Variants in GATAD2A observed in about 807,000 individuals in gnomAD.
GATAD2A encodes GATA zinc finger domain containing 2A.
GATAD2A carries 12 observed loss-of-function variants against 68.5 expected under a neutral mutation model. The observed-to-expected ratio is 0.18, with a 90% CI of 0.11 to 0.28. The LOEUF is 0.28. Ranked by LOEUF, GATAD2A falls within the 10% of genes least tolerant of loss-of-function variation. GATAD2A has a pLI of 1.00. For synonymous variants in GATAD2A, 410 were observed against 375.3 expected (o/e 1.09, Z -1.07); for missense variants, 755 against 868.5 (o/e 0.87, Z 1.64).
chr19:19,484,825 G>T (rs376911582), intron 2 of GATAD2A, among the ~76,000 whole-genome samples: 1 of 152,118 alleles, frequency 6.6e-6, no homozygotes, highest in Non-Finnish European at 1.5e-5. Flanking sequence ...GAGCCACCGC[G>T]CCCAGCCTGT....
chr19:19,405,355 C>T (rs1041498726), upstream of GATAD2A, among the ~76,000 whole-genome samples: 1 of 152,238 alleles, frequency 6.6e-6, no homozygotes, highest in African/African-American at 2.4e-5. Context: ...GGTCGCCCAG[C>T]TCAGCTGGCG....
At chr19:19,429,334 G>A (rs933740880) in intron 1 of GATAD2A, 3 of 605,958 alleles carry the variant, frequency 5.0e-6, no homozygotes, top group African/African-American at 2.0e-5. Flanking sequence ...CTGGCCATGG[G>A]AACGGTGCGT....
intron 1 of GATAD2A, among the ~76,000 whole-genome samples, chr19:19,444,182 T>A (rs923003636): frequency 2.0e-5 from 3 of 152,138 alleles, no homozygotes; most frequent in Non-Finnish European, 4.4e-5. Flanking sequence ...ACCACTCCAG[T>A]ACCCTGACTC....
chr19:19,419,970 C>T (rs1471282618), intron 1 of GATAD2A, among the ~76,000 whole-genome samples: 1 of 140,060 alleles, frequency 7.1e-6, no homozygotes, highest in Non-Finnish European at 1.5e-5. Context: ...TCCCATCTGA[C>T]TTATTAAGTG....
chr19:19,456,136 A>C (rs1318839377), intron 1 of GATAD2A, among the ~76,000 whole-genome samples: 1 of 147,232 alleles, frequency 6.8e-6, no homozygotes, highest in Admixed American at 6.8e-5. Flanking sequence ...CCTGAGCGAC[A>C]CAGCGAGACT....
At chr19:19,418,444 G>C (rs540079046) in intron 1 of GATAD2A, among the ~76,000 whole-genome samples, 1 of 152,346 alleles carries the variant, frequency 6.6e-6, no homozygotes, top group East Asian at 1.9e-4. Flanking sequence ...CTGTTCCTAT[G>C]AATGAAATAG....
At chr19:19,477,161 C>T (rs2058727096) in intron 2 of GATAD2A, among the ~76,000 whole-genome samples, 2 of 152,152 alleles carry the variant, frequency 1.3e-5, no homozygotes, top group South Asian at 4.1e-4. Context: ...ACTGAGTTAC[C>T]TGTGGCTGAG....
chr19:19,403,572 A>AG (rs1568698372), upstream of GATAD2A, among the ~76,000 whole-genome samples: 1 of 151,502 alleles, frequency 6.6e-6, no homozygotes, highest in Non-Finnish European at 1.5e-5. Context: ...AAAAAAAAAA[A>AG]GGGGTGGTTG....
chr19:19,411,106 G>A (rs1182485906), intron 1 of GATAD2A, among the ~76,000 whole-genome samples: 1 of 152,220 alleles, frequency 6.6e-6, no homozygotes, highest in African/African-American at 2.4e-5. Flanking sequence ...TGGGGCGCAT[G>A]CCTCAGCTTT....
chr19:19,398,320 C>T (rs1043334492), intron 1 of GATAD2A, among the ~76,000 whole-genome samples: 6 of 152,078 alleles, frequency 3.9e-5, no homozygotes, highest in Admixed American at 6.6e-5. Flanking sequence ...TCTCCTGCCT[C>T]AGCCTCCCGA....
intron 1 of GATAD2A, chr19:19,464,832 C>A: frequency 5.5e-6 from 1 of 183,008 alleles, no homozygotes; most frequent in Non-Finnish European, 1.2e-5. Context: ...CCTCCCTTCC[C>A]TGAAGGGGAG....
intron 1 of GATAD2A, among the ~76,000 whole-genome samples, chr19:19,426,154 G>A (rs533820888): frequency 6.6e-6 from 1 of 152,282 alleles, no homozygotes; most frequent in South Asian, 2.1e-4. Context: ...TGGGTTGTCT[G>A]GAGTTTCCCT....
chr19:19,460,548 G>A (rs1296146456), intron 1 of GATAD2A, among the ~76,000 whole-genome samples: 1 of 152,156 alleles, frequency 6.6e-6, no homozygotes, highest in South Asian at 2.1e-4. Flanking sequence ...CTGCCCCCAG[G>A]TTCAGGGCTC....
chr19:19,457,180 C>T, intron 1 of GATAD2A: 1 of 985,386 alleles, frequency 1.0e-6, no homozygotes, highest in Non-Finnish European at 1.2e-6. Flanking sequence ...GGGGCCACTT[C>T]AGGGACATGG....
intron 1 of GATAD2A, among the ~76,000 whole-genome samples, chr19:19,386,311 C>G (rs888706385): frequency 2.1e-4 from 32 of 152,108 alleles, no homozygotes; most frequent in Non-Finnish European, 3.2e-4. Flanking sequence ...GGACCCCCGC[C>G]TCTCTAGGAG....
chr19:19,412,875 G>A (rs2051132606), intron 1 of GATAD2A, among the ~76,000 whole-genome samples: 1 of 152,088 alleles, frequency 6.6e-6, no homozygotes, highest in Admixed American at 6.5e-5. Flanking sequence ...AATTTACGAT[G>A]GATTGACTTA....
chr19:19,425,096 A>G (rs1004287058), intron 1 of GATAD2A, among the ~76,000 whole-genome samples: 10 of 152,030 alleles, frequency 6.6e-5, no homozygotes, highest in African/African-American at 2.4e-4. Context: ...ACTTGAGAAA[A>G]CTTGCCATAA....
chr19:19,459,473 A>G (rs1568305489), intron 1 of GATAD2A, among the ~76,000 whole-genome samples: 2 of 150,622 alleles, frequency 1.3e-5, no homozygotes, highest in African/African-American at 4.9e-5. Context: ...TGAAGTAGGG[A>G]TGGGAAAACT....
intron 1 of GATAD2A, among the ~76,000 whole-genome samples, chr19:19,430,709 CTG>C (rs2053624845): frequency 6.6e-6 from 1 of 152,174 alleles, no homozygotes; most frequent in Non-Finnish European, 1.5e-5. Context: ...GACACCATCA[CTG>C]TACCAGCCAT....
Sources: allele counts gnomAD v4.1 joint callset (sites outside exome capture counted in the v4.1 genomes callset), GRCh38; gene constraint gnomAD v4.1.1; transcripts MANE v1.5; gene names NCBI Gene and HGNC (gene_info 2026-07-23, HGNC 2026-07-21).